Variants in FLACC1 observed in about 807,000 individuals in gnomAD.
FLACC1 encodes flagellum associated containing coiled-coil domains 1.
A neutral mutation model predicts 62.8 loss-of-function variants in FLACC1; 66 were observed. That is an observed-to-expected ratio of 1.05 (90% confidence interval 0.86 to 1.29). FLACC1 has a LOEUF of 1.29. Ranked by LOEUF, FLACC1 falls within the 50% of genes most tolerant of loss-of-function variation. FLACC1 has a pLI of 0.00. For synonymous variants in FLACC1, 156 were observed against 161.0 expected (o/e 0.97, Z 0.24); for missense variants, 452 against 489.1 (o/e 0.92, Z 0.71).
At chr2:201,318,272 T>C (rs1950339456) in intron 9 of FLACC1, among the ~76,000 whole-genome samples, 1 of 152,190 alleles carries the variant, frequency 6.6e-6, no homozygotes, top group Non-Finnish European at 1.5e-5. Flanking sequence ...AAAGAGCTTT[T>C]GCATGGCAAA....
intron 11 of FLACC1, among the ~76,000 whole-genome samples, chr2:201,307,045 T>C (rs1281370533): frequency 6.6e-6 from 1 of 152,198 alleles, no homozygotes; most frequent in Non-Finnish European, 1.5e-5. Flanking sequence ...TTGTGGAGGA[T>C]ATACAGCAAC....
At chr2:201,301,001 T>C (rs185787608) in intron 11 of FLACC1, among the ~76,000 whole-genome samples, 46 of 152,110 alleles carry the variant, frequency 3.0e-4, no homozygotes, top group Middle Eastern at 3.4e-3. Context: ...CTGAAAATTT[T>C]AAAAATCAGA....
chr2:201,321,536 A>G (rs1361279964), intron 9 of FLACC1, among the ~76,000 whole-genome samples: 1 of 152,140 alleles, frequency 6.6e-6, no homozygotes, highest in Non-Finnish European at 1.5e-5. Flanking sequence ...AGCTTCTCCC[A>G]TTGGAGCTTG....
chr2:201,316,192 G>T (rs1338298243), intron 9 of FLACC1, among the ~76,000 whole-genome samples: 1 of 151,958 alleles, frequency 6.6e-6, no homozygotes, highest in East Asian at 1.9e-4. Flanking sequence ...CAGAAGAAAG[G>T]AAATAACCAA....
intron 12 of FLACC1, among the ~76,000 whole-genome samples, chr2:201,295,316 A>C (rs1353176413): frequency 6.6e-6 from 1 of 152,224 alleles, no homozygotes; most frequent in East Asian, 1.9e-4. Context: ...AAACAGAGAT[A>C]TAGACCAATG....
At position 201,344,178 on chromosome 2, in the gene FLACC1, G is replaced by A; in HGVS notation, c.454C>T (p.Gln152Ter). Residue 152 changes from glutamine (Q) to a stop codon, truncating the protein, a stop_gained, in exon 6 of 15, where the codon CAG becomes TAG. Transcript: ENST00000392257. LOFTEE classifies it high-confidence loss of function. ...EQMNRDHQSA[Q>*]KLLSSEMDLR... ...AATGTAAGGTCACTCACCAATTTCT[G>A]GGCAGACTGGTGGTCTCTGTTCATT... 6.2e-7 allele frequency: 1 copy of A among 1,610,058 alleles called. No homozygotes were observed. The highest frequency in any genetic ancestry group is 1.3e-5 in the African/African-American group (1 of 74,900).
chr2:201,331,222 T>C (rs879806378), intron 7 of FLACC1, among the ~76,000 whole-genome samples: 14 of 152,112 alleles, frequency 9.2e-5, no homozygotes, highest in Non-Finnish European at 1.5e-4. Context: ...TCCTCCTGCG[T>C]TGACCTCCCG....
intron 11 of FLACC1, among the ~76,000 whole-genome samples, chr2:201,300,099 G>A (rs895194827): frequency 3.3e-5 from 5 of 152,174 alleles, no homozygotes; most frequent in Admixed American, 6.5e-5. Context: ...TGCAGGCCAC[G>A]GACCGGGAGC....
the FLACC1 span, among the ~76,000 whole-genome samples, chr2:201,362,647 G>A: frequency 1.3e-5 from 2 of 152,182 alleles, no homozygotes; most frequent in African/African-American, 4.8e-5. Context: ...TTTGTTTCTC[G>A]CAAGCTCTGG....
At chr2:201,322,056 G>T (rs1217389226) in intron 9 of FLACC1, among the ~76,000 whole-genome samples, 1 of 152,096 alleles carries the variant, frequency 6.6e-6, no homozygotes, top group Admixed American at 6.6e-5. Context: ...ATCACTTGAG[G>T]TCAGGGGTTC....
chr2:201,339,764 G>A (rs1421466057), intron 7 of FLACC1, among the ~76,000 whole-genome samples: 1 of 152,110 alleles, frequency 6.6e-6, no homozygotes, highest in Admixed American at 6.5e-5. Context: ...TTATAAGTGT[G>A]CCTATCTTTG....
chr2:201,289,405 C>T, intron 14 of FLACC1, 52 bp downstream of exon 14: 1 of 1,554,800 alleles, frequency 6.4e-7, no homozygotes, highest in Non-Finnish European at 8.9e-7. Context: ...ACTCAAACTC[C>T]TTCCCACTCC....
chr2:201,360,551 C>T (rs1951177699), upstream of FLACC1, among the ~76,000 whole-genome samples: 1 of 152,204 alleles, frequency 6.6e-6, no homozygotes, highest in South Asian at 2.1e-4. Flanking sequence ...CTCCAACTTG[C>T]TCACTTGCTC....
At chr2:201,293,409 C>A (rs1488671108) in intron 12 of FLACC1, among the ~76,000 whole-genome samples, 1 of 152,228 alleles carries the variant, frequency 6.6e-6, no homozygotes, top group African/African-American at 2.4e-5. Flanking sequence ...GAACAACCTG[C>A]TCCTGAATGA....
intron 12 of FLACC1, among the ~76,000 whole-genome samples, chr2:201,290,050 G>A (rs1218723849): frequency 2.0e-5 from 3 of 152,008 alleles, no homozygotes; most frequent in South Asian, 4.2e-4. Context: ...ACCTACTACC[G>A]ATTCCAATTA....
intron 8 of FLACC1, 23 bp from the exon 9 acceptor site, chr2:201,330,545 G>A (rs539166200): frequency 1.7e-5 from 28 of 1,609,398 alleles, no homozygotes; most frequent in African/African-American, 2.7e-5. Flanking sequence ...AAAACAACAG[G>A]ATCATCATTA....
intron 11 of FLACC1, among the ~76,000 whole-genome samples, chr2:201,300,210 G>A (rs188924560): frequency 3.8e-4 from 58 of 152,296 alleles, no homozygotes; most frequent in African/African-American, 1.3e-3. Context: ...CTGGAAAATC[G>A]GGTCACTCCC....
In FLACC1 at chr2:201,357,052, G is replaced by C. The variant is rs558869378; in HGVS notation, c.-118C>G. 6.6e-6 allele frequency: 1 copy of C among 152,342 alleles called. No individual in the cohort carries two copies. The highest frequency in any genetic ancestry group is 1.9e-4 in the East Asian group (1 of 5,192). 9.4% of individuals were successfully genotyped at this position (152,342 alleles called of 1,614,324 possible). A position where few individuals can be genotyped will look rare whatever the true frequency, so the allele number is the denominator to read the frequency against. On this transcript the variant is annotated 5_prime_UTR_variant, in exon 1 of 15. Transcript: ENST00000392257. ...ACATCTTAAAGAAACCACCATGTTAGAGAGAAATGGTTCCCCATCAACACA... is the reference window on the plus strand; with the variant it reads ...ACATCTTAAAGAAACCACCATGTTACAGAGAAATGGTTCCCCATCAACACA...
At chr2:201,299,378 G>C in intron 11 of FLACC1, 78 bp from the exon 12 acceptor site, 1 of 1,154,604 alleles carries the variant, frequency 8.7e-7, no homozygotes, top group Non-Finnish European at 1.3e-6. Flanking sequence ...AGCCAGACTA[G>C]GATTCAGGAA....
Sources: gnomAD v4.1 joint callset for allele counts (sites outside exome capture counted in the v4.1 genomes callset) on GRCh38, gnomAD v4.1.1 for gene constraint, MANE v1.5 for transcripts, NCBI Gene and HGNC (gene_info 2026-07-23, HGNC 2026-07-21) for gene names.